NEGR1: variants seen among roughly 807,000 people sequenced by gnomAD.
NEGR1 encodes neuronal growth regulator 1, also known as IgLON family member 4.
In NEGR1, 10 loss-of-function variants were observed where a neutral mutation model predicts 40.9. The observed-to-expected ratio is 0.24, with a 90% CI of 0.15 to 0.42. The LOEUF is 0.42. Among genes scored for constraint, NEGR1 ranks in the 10% least tolerant of loss-of-function variants. The pLI is 1.00. For missense variants in NEGR1, 352 were observed against 438.9 expected, an observed-to-expected ratio of 0.80 and a Z score of 1.77; for synonymous variants, 185 against 166.8, an observed-to-expected ratio of 1.11 and a Z score of -0.84.
At chr1:71,779,369 G>T (rs997240725) in intron 2 of NEGR1, among the ~76,000 whole-genome samples, 2 of 152,234 alleles carry the variant, frequency 1.3e-5, no homozygotes, top group Admixed American at 1.3e-4. Context: ...GAAGCGGATA[G>T]GTAAGTAACT....
At chr1:72,257,321 CAAAAAAA>C (rs34220734) in intron 1 of NEGR1, among the ~76,000 whole-genome samples, 1 of 57,134 alleles carries the variant, frequency 1.8e-5, no homozygotes, top group South Asian at 7.6e-4. Flanking sequence ...GACTCTGTCT[CAAAAAAA>C]AAAAAAAAAA....
chr1:72,029,587 CAT>C (rs1410163354), intron 1 of NEGR1, among the ~76,000 whole-genome samples: 10 of 152,082 alleles, frequency 6.6e-5, no homozygotes, highest in African/African-American at 2.4e-4. Flanking sequence ...AGAATGTAAG[CAT>C]ATTTCATTGA....
At chr1:72,199,203 T>TG (rs1459532455) in intron 1 of NEGR1, among the ~76,000 whole-genome samples, 1 of 147,070 alleles carries the variant, frequency 6.8e-6, no homozygotes, top group Admixed American at 6.8e-5. Context: ...ATATGTATCT[T>TG]GGGGGCTGCA....
chr1:71,812,860 T>G (rs1658053724), intron 2 of NEGR1, among the ~76,000 whole-genome samples: 1 of 152,176 alleles, frequency 6.6e-6, no homozygotes, highest in Non-Finnish European at 1.5e-5. Context: ...GTAGACTGTC[T>G]GTTCACTCTG....
chr1:71,806,381 T>C (rs1657771577), intron 2 of NEGR1, among the ~76,000 whole-genome samples: 1 of 152,076 alleles, frequency 6.6e-6, no homozygotes, highest in Non-Finnish European at 1.5e-5. Flanking sequence ...TGTAAAGCCC[T>C]ATGATAACAA....
Position 71,928,578 on chromosome 1 carries a change from T to A in NEGR1, c.409+6501A>T, listed in dbSNP as rs148772989. Among the ~76,000 whole-genome samples, 276 of 147,926 alleles carry A rather than the reference T, an allele frequency of 1.9e-3. 1 individual carries two copies. Among genetic ancestry groups the A allele is most frequent in the African/African-American group, 6.3e-3 (254 of 40,290 alleles). On this transcript the variant is annotated intron_variant, in intron 2 of 6. Coordinates refer to ENST00000357731, the MANE Select transcript of NEGR1 (RefSeq NM_173808.3). Reference sequence around the variant, plus strand: ...TGTGTATATATATACCTATATATATTTTTTTTCCTGAGACAGCATCTCACT... The same window carrying A: ...TGTGTATATATATACCTATATATATATTTTTTCCTGAGACAGCATCTCACT...
intron 2 of NEGR1, among the ~76,000 whole-genome samples, chr1:71,874,246 AC>A: frequency 6.6e-6 from 1 of 152,298 alleles, no homozygotes; most frequent in South Asian, 2.1e-4. Context: ...TGCACTTAGT[AC>A]CTTTTATCTA....
intron 1 of NEGR1, among the ~76,000 whole-genome samples, chr1:72,013,975 A>G (rs1199527891): frequency 7.2e-6 from 1 of 138,120 alleles, no homozygotes; most frequent in Non-Finnish European, 1.5e-5. Context: ...AAAAAAAAAA[A>G]AAAAAAAAAA....
chr1:71,462,894 T>C (rs190607038), intron 6 of NEGR1, among the ~76,000 whole-genome samples: 252 of 152,274 alleles, frequency 1.7e-3, no homozygotes, highest in Middle Eastern at 6.8e-3. Flanking sequence ...CATTTGATAA[T>C]ACGTAACTGT....
intron 6 of NEGR1, among the ~76,000 whole-genome samples, chr1:71,577,584 A>G (rs115395817): frequency 7.2e-5 from 11 of 152,316 alleles, no homozygotes; most frequent in African/African-American, 2.6e-4. Context: ...ATCTAGCTAT[A>G]TACATGCACA....
At chr1:71,538,840 C>T (rs1448248916) in intron 6 of NEGR1, among the ~76,000 whole-genome samples, 1 of 151,740 alleles carries the variant, frequency 6.6e-6, no homozygotes, top group Non-Finnish European at 1.5e-5. Flanking sequence ...ATACAGACAG[C>T]ACTGTCCTGG....
intron 1 of NEGR1, among the ~76,000 whole-genome samples, chr1:72,033,154 C>T (rs775765294): frequency 6.6e-6 from 1 of 152,126 alleles, no homozygotes; most frequent in East Asian, 1.9e-4. Context: ...AAACTTTAGG[C>T]TTTGCCACTA....
chr1:71,870,693 C>T (rs1660255616), intron 2 of NEGR1, among the ~76,000 whole-genome samples: 1 of 152,074 alleles, frequency 6.6e-6, no homozygotes. Flanking sequence ...ATTATGTTGG[C>T]CTAGGGCTAG....
intron 1 of NEGR1, among the ~76,000 whole-genome samples, chr1:72,088,129 TG>T (rs531719504): frequency 1.1e-4 from 17 of 152,304 alleles, no homozygotes; most frequent in African/African-American, 4.1e-4. Flanking sequence ...CTTTCTTTGA[TG>T]GCTAATTAAA....
At chr1:71,481,149 G>A (rs1265099977) in intron 6 of NEGR1, among the ~76,000 whole-genome samples, 2 of 151,832 alleles carry the variant, frequency 1.3e-5, no homozygotes, top group Admixed American at 6.6e-5. Context: ...AGGTCACATA[G>A]CTGGTCAGTG....
chr1:71,815,562 A>AG, intron 2 of NEGR1, among the ~76,000 whole-genome samples: 1 of 152,148 alleles, frequency 6.6e-6, no homozygotes, highest in Non-Finnish European at 1.5e-5. Context: ...TAGGTCTCTA[A>AG]AAACTTGTTT....
chr1:71,960,078 A>T (rs1454881440), intron 1 of NEGR1, among the ~76,000 whole-genome samples: 3 of 152,194 alleles, frequency 2.0e-5, no homozygotes, highest in Admixed American at 6.5e-5. Context: ...GGGCAAGCAT[A>T]TATTCCCTTT....
chr1:72,190,659 T>C (rs1376032754), intron 1 of NEGR1, among the ~76,000 whole-genome samples: 2 of 151,634 alleles, frequency 1.3e-5, no homozygotes, highest in African/African-American at 4.8e-5. Flanking sequence ...CAAATTTCTA[T>C]GTCTATGACA....
Position 72,207,942 on chromosome 1 carries a change from T to A in NEGR1, c.176+74377A>T, listed in dbSNP as rs78829398. Among the ~76,000 whole-genome samples the A allele has an allele frequency of 2.6e-5, 4 of 151,874 alleles. No homozygotes were observed. The South Asian group carries it at 8.3e-4, about 31-fold the overall frequency. ...AAAAATTTTTCAATAATTTTGATTA[T>A]ACTGATAAAGGTGACGATTTAACAA... On this transcript the variant is annotated intron_variant, in intron 1 of 6. Coordinates refer to ENST00000357731, the MANE Select transcript of NEGR1 (RefSeq NM_173808.3).
Sources: allele counts gnomAD v4.1 joint callset (sites outside exome capture counted in the v4.1 genomes callset), GRCh38; gene constraint gnomAD v4.1.1; transcripts MANE v1.5; gene names NCBI Gene and HGNC (gene_info 2026-07-23, HGNC 2026-07-21).